The following AKAP7 variants were observed in gnomAD, a reference collection of about 807,000 sequenced individuals.
The protein encoded by AKAP7 is A-kinase anchoring protein 7, also known as A kinase (PRKA) anchor protein 7.
In AKAP7, 39 loss-of-function variants were observed where a neutral mutation model predicts 39.5. That is an observed-to-expected ratio of 0.99 (90% CI 0.76 to 1.29). The LOEUF (loss-of-function observed/expected upper bound fraction) is 1.29, where lower values mean the gene tolerates loss of function less well. AKAP7 is among the 50% of genes most tolerant of loss of function. The pLI is 0.00. For synonymous variants in AKAP7, 140 were observed against 139.1 expected (o/e 1.01, Z -0.05); for missense variants, 414 against 407.7 (o/e 1.02, Z -0.13).
chr6:131,209,173 AT>A (rs113718043), intron 6 of AKAP7, among the ~76,000 whole-genome samples: 18,624 of 148,358 alleles, frequency 0.13, 1,323 homozygotes, highest in Non-Finnish European at 0.15. Flanking sequence ...AGCTTAAGTG[AT>A]TTTTTTTTTT....
intron 1 of AKAP7, among the ~76,000 whole-genome samples, chr6:131,143,909 C>CCTTCCGGA (rs1801265830): frequency 7.2e-6 from 1 of 139,438 alleles, no homozygotes; most frequent in Non-Finnish European, 1.5e-5. Flanking sequence ...GACCCTGCGG[C>CCTTCCGGA]CTTCCGAAGT....
chr6:131,185,572 G>A (rs755378181), intron 5 of AKAP7: 9 of 169,208 alleles, frequency 5.3e-5, no homozygotes, highest in Non-Finnish European at 1.0e-4. Flanking sequence ...GCAATTCCTT[G>A]ATGATTAGTG....
intron 2 of AKAP7, among the ~76,000 whole-genome samples, chr6:131,157,147 A>G (rs1400534884): frequency 6.6e-6 from 1 of 152,212 alleles, no homozygotes; most frequent in Non-Finnish European, 1.5e-5. Flanking sequence ...AGTATTATCT[A>G]ATAATTATAA....
intron 7 of AKAP7, among the ~76,000 whole-genome samples, chr6:131,248,704 A>G (rs1812225564): frequency 6.6e-6 from 1 of 152,190 alleles, no homozygotes; most frequent in African/African-American, 2.4e-5. Context: ...CCAGTGTTCA[A>G]AATTTGCTGT....
intron 7 of AKAP7, among the ~76,000 whole-genome samples, chr6:131,231,308 AT>A (rs1444993062): frequency 1.3e-5 from 2 of 152,158 alleles, no homozygotes; most frequent in African/African-American, 2.4e-5. Context: ...TGAAATAGAT[AT>A]TATGTAATAC....
intron 5 of AKAP7, among the ~76,000 whole-genome samples, chr6:131,193,090 T>C (rs1174039234): frequency 1.3e-5 from 2 of 152,174 alleles, no homozygotes; most frequent in East Asian, 3.8e-4. Context: ...GTTGTCTGAT[T>C]GCTCTAGCTA....
At chr6:131,147,684 T>G (rs1207730304) in intron 2 of AKAP7, among the ~76,000 whole-genome samples, 1 of 152,238 alleles carries the variant, frequency 6.6e-6, no homozygotes, top group Non-Finnish European at 1.5e-5. Flanking sequence ...TGGATATAAA[T>G]AAAGAAGGCT....
rs1306559597 is a variant in AKAP7, at chr6:131,184,991, G to T, written c.590-14470G>T. The T allele has an allele frequency of 3.9e-6, 3 of 763,978 alleles. No individual in the cohort carries two copies. The African/African-American group carries it at 5.1e-5, about 13-fold the overall frequency. 47.3% of individuals were successfully genotyped at this position (763,978 alleles called of 1,614,324 possible). A position where few individuals can be genotyped will look rare whatever the true frequency, so the allele number is the denominator to read the frequency against. On this transcript the variant is annotated intron_variant, in intron 5 of 7. Transcript: ENST00000431975. ...GAGCATCTTCACAGTACTCATCATC[G>T]AGGTCATCCAGGAAGTCATCTGGTT...
At chr6:131,150,394 A>G (rs1413738547) in intron 2 of AKAP7, among the ~76,000 whole-genome samples, 1 of 152,198 alleles carries the variant, frequency 6.6e-6, no homozygotes, top group Admixed American at 6.5e-5. Context: ...AAACTTTTTT[A>G]TACAAAAATG....
chr6:131,234,220 A>ATCT (rs1810848284), intron 7 of AKAP7, among the ~76,000 whole-genome samples: 1 of 152,150 alleles, frequency 6.6e-6, no homozygotes. Context: ...TTGAACAGGT[A>ATCT]TCTATTGAGG....
chr6:131,130,261 C>A, the AKAP7 span, among the ~76,000 whole-genome samples: 1 of 152,206 alleles, frequency 6.6e-6, no homozygotes, highest in African/African-American at 2.4e-5. Context: ...TGCAGCTCAA[C>A]CTGCTCTACT....
the AKAP7 span, among the ~76,000 whole-genome samples, chr6:131,130,415 G>A: frequency 6.6e-6 from 1 of 152,180 alleles, no homozygotes; most frequent in African/African-American, 2.4e-5. Context: ...CTCTGCTCCA[G>A]CCTCCTGAGT....
chr6:131,227,697 G>A lies in AKAP7; in HGVS notation c.850+7889G>A, dbSNP rs542728864. Reference sequence around the variant, plus strand: ...AGGAAAGAGTTCTAGATAAGTTAGTGCCATATAGCTGTAGTTTAGTCAGAA... The same window carrying A: ...AGGAAAGAGTTCTAGATAAGTTAGTACCATATAGCTGTAGTTTAGTCAGAA... On this transcript the variant is annotated intron_variant, in intron 7 of 7. Coordinates refer to ENST00000431975, the MANE Select transcript of AKAP7 (RefSeq NM_016377.4). Among the ~76,000 whole-genome samples, 3 of 152,292 alleles carry A rather than the reference G, an allele frequency of 2.0e-5. No individual in the cohort carries two copies. The East Asian group carries it at 5.8e-4, about 29-fold the overall frequency.
At chr6:131,190,421 T>TA (rs1386032516) in intron 5 of AKAP7, among the ~76,000 whole-genome samples, 1 of 152,086 alleles carries the variant, frequency 6.6e-6, no homozygotes, top group Non-Finnish European at 1.5e-5. Context: ...GGCGGGCAGA[T>TA]CACTTGAGGC....
chr6:131,241,627 G>GTGTGTGTATATATATA, intron 7 of AKAP7, among the ~76,000 whole-genome samples: 1 of 86,636 alleles, frequency 1.2e-5, no homozygotes, highest in African/African-American at 5.0e-5. Flanking sequence ...GTGTGTGTGT[G>GTGTGTGTATATATATA]TATATATATA....
intron 5 of AKAP7, among the ~76,000 whole-genome samples, chr6:131,183,638 G>A (rs1446328583): frequency 6.6e-6 from 1 of 152,140 alleles, no homozygotes; most frequent in Non-Finnish European, 1.5e-5. Flanking sequence ...AGTCACTGGA[G>A]CCCGCCCATG....
intron 6 of AKAP7, among the ~76,000 whole-genome samples, chr6:131,202,024 T>G (rs993396890): frequency 1.6e-4 from 25 of 152,302 alleles, no homozygotes; most frequent in South Asian, 8.3e-4. Context: ...TCACCATCAC[T>G]GGCCATCAGA....
Position 131,169,087 on chromosome 6 carries a change from C to T in AKAP7, c.429-26C>T, listed in dbSNP as rs1412745920. 2.6e-6 allele frequency: 4 copies of T among 1,557,834 alleles called. No individual in the cohort carries two copies. In the South Asian group the frequency reaches 3.4e-5, roughly 13 times the overall value. Reference sequence around the variant, plus strand: ...GTATATTTTATTACTTAATGTGTTACTGAAAAATGTATTATTTCTTACTAG... The same window carrying T: ...GTATATTTTATTACTTAATGTGTTATTGAAAAATGTATTATTTCTTACTAG... On this transcript the variant is annotated intron_variant, in intron 4 of 7. Coordinates refer to ENST00000431975, the MANE Select transcript of AKAP7 (RefSeq NM_016377.4).
intron 7 of AKAP7, among the ~76,000 whole-genome samples, chr6:131,224,047 G>A (rs1012976749): frequency 2.0e-5 from 3 of 151,982 alleles, no homozygotes; most frequent in Non-Finnish European, 4.4e-5. Context: ...TGCCAATCTT[G>A]TATCCCCAAG....
Sources: gnomAD v4.1 joint callset for allele counts (sites outside exome capture counted in the v4.1 genomes callset) on GRCh38, gnomAD v4.1.1 for gene constraint, MANE v1.5 for transcripts, NCBI Gene and HGNC (gene_info 2026-07-23, HGNC 2026-07-21) for gene names.